The following NIPAL3 variants were observed in gnomAD, a reference collection of about 807,000 sequenced individuals.
The protein encoded by NIPAL3 is NIPA-like protein 3.
In NIPAL3, 41 loss-of-function variants were observed where a neutral mutation model predicts 47.2. The ratio of observed to expected loss-of-function variants is 0.87; its 90% CI spans 0.68 to 1.13. NIPAL3 has a LOEUF of 1.13. NIPAL3 is among the 50% of genes most tolerant of loss of function. NIPAL3 has a pLI of 0.00. For missense variants in NIPAL3, 449 were observed against 530.1 expected, an observed-to-expected ratio of 0.85 and a Z score of 1.50; for synonymous variants, 194 against 209.6, an observed-to-expected ratio of 0.93 and a Z score of 0.64.
At chr1:24,445,730 C>G (rs550706231) in intron 5 of NIPAL3, among the ~76,000 whole-genome samples, 2 of 152,154 alleles carry the variant, frequency 1.3e-5, no homozygotes, top group African/African-American at 4.8e-5. Context: ...AGACCTTGGG[C>G]GGGTCCCCCC....
chr1:24,431,333 G>A lies in NIPAL3; in HGVS notation c.94-8839G>A, dbSNP rs574096986. On this transcript the variant is annotated intron_variant, in intron 2 of 11. Coordinates refer to ENST00000374399, the MANE Select transcript of NIPAL3 (RefSeq NM_020448.5). ...AGGACAAGCCTTTCTTTGATCAAAC[G>A]GGAAAAAACTGCCGTGAAAGGTGAA... Among the ~76,000 whole-genome samples, 43 of 152,232 alleles carry A rather than the reference G, an allele frequency of 2.8e-4. 1 individual carries two copies. In the South Asian group the frequency reaches 3.9e-3, roughly 14 times the overall value.
Position 24,454,356 on chromosome 1 carries a change from C to T in NIPAL3, c.637+852C>T, listed in dbSNP as rs549967413. On this transcript the variant is annotated intron_variant, in intron 7 of 11. Coordinates refer to ENST00000374399, the MANE Select transcript of NIPAL3 (RefSeq NM_020448.5). The surrounding 1 kb of genome is among the most constrained non-coding windows in gnomAD (Gnocchi z 4.1). The stretch of plus-strand genomic sequence containing the variant: ...CTAATGACCCTCCCTCCTTAAGCCA[C>T]GCTGTCCACTTCTCTAAAGGGGGGG... 1.2e-5 allele frequency: 13 copies of T among 1,073,592 alleles called. No individual in the cohort carries two copies. Among genetic ancestry groups the T allele is most frequent in the African/African-American group, 8.5e-5 (5 of 58,644 alleles). The allele number at this position is 1,073,592 out of a possible 1,614,324, so 66.5% of individuals were successfully genotyped here. A position where few individuals can be genotyped will look rare whatever the true frequency, so the allele number is the denominator to read the frequency against.
Position 24,469,378 on chromosome 1 carries a change from G to A in NIPAL3, c.*193G>A, listed in dbSNP as rs1048793099. 4 of 570,568 alleles carry A rather than the reference G, an allele frequency of 7.0e-6. No homozygotes were observed. The African/African-American group carries it at 7.5e-5, about 11-fold the overall frequency. The allele number at this position is 570,568 out of a possible 1,614,324, so 35.3% of individuals were successfully genotyped here. A position where few individuals can be genotyped will look rare whatever the true frequency, so the allele number is the denominator to read the frequency against. On this transcript the variant is annotated 3_prime_UTR_variant, in exon 12 of 12. Coordinates refer to ENST00000374399, the MANE Select transcript of NIPAL3 (RefSeq NM_020448.5). ...GAAATTTCAAATGATGAGGGTTGGGGGATGGAAGCATTATTCCAGGTGGAC... is the reference window on the plus strand; with the variant it reads ...GAAATTTCAAATGATGAGGGTTGGGAGATGGAAGCATTATTCCAGGTGGAC...
intron 9 of NIPAL3, among the ~76,000 whole-genome samples, chr1:24,459,774 G>A (rs1337987039): frequency 6.6e-6 from 1 of 152,260 alleles, no homozygotes; most frequent in Non-Finnish European, 1.5e-5. Flanking sequence ...AGCTAAGTCA[G>A]GGTCAAGAAG....
At position 24,424,274 on chromosome 1, in the gene NIPAL3, C is replaced by G. The variant is rs549322813; in HGVS notation, c.93+4634C>G. On this transcript the variant is annotated intron_variant, in intron 2 of 11. Coordinates refer to ENST00000374399, the MANE Select transcript of NIPAL3 (RefSeq NM_020448.5). ...CCAGTGTTCCTTCTTAGCTAAGTGA[C>G]CTTGGGTGTATGGTACAACCCTGCA... 1.9e-3 allele frequency among the ~76,000 whole-genome samples: 291 copies of G among 152,268 alleles called. 1 individual carries two copies. Among genetic ancestry groups the G allele is most frequent in the Non-Finnish European group, 3.5e-3 (237 of 68,032 alleles).
Position 24,449,379 on chromosome 1 carries a change from T to G in NIPAL3, c.395-102T>G. 5 of 1,197,574 alleles carry G rather than the reference T, an allele frequency of 4.2e-6. No individual in the cohort carries two copies. Among genetic ancestry groups the G allele is most frequent in the Non-Finnish European group, 5.8e-6 (5 of 865,404 alleles). The allele number at this position is 1,197,574 out of a possible 1,614,324, so 74.2% of individuals were successfully genotyped here. A position where few individuals can be genotyped will look rare whatever the true frequency, so the allele number is the denominator to read the frequency against. ...CAAAAATACAAACAATACCAGGTCA[T>G]GGTATGTTGCAGGAGAAGCCTGTTT... On this transcript the variant is annotated intron_variant, in intron 5 of 11. Transcript: ENST00000374399. This position sits in a 1 kb window ranked among gnomAD's most constrained non-coding sequence, Gnocchi z 4.5.
At chr1:24,442,294 G>C in intron 4 of NIPAL3, 68 bp downstream of exon 4, 1 of 1,543,590 alleles carries the variant, frequency 6.5e-7, no homozygotes. Flanking sequence ...GCCAGCGCCA[G>C]GATCAAAGGT....
intron 4 of NIPAL3, among the ~76,000 whole-genome samples, chr1:24,444,608 G>A (rs1036685124): frequency 1.3e-5 from 2 of 152,310 alleles, no homozygotes; most frequent in Middle Eastern, 3.4e-3. Flanking sequence ...AGAAGAGGCA[G>A]AACTAGGGTA....
In NIPAL3 at chr1:24,449,569, G is replaced by A; in HGVS notation, c.483G>A (p.Lys161=). Residue 161 remains lysine (K), a synonymous_variant, in exon 6 of 12, where the codon AAG becomes AAA. Transcript: ENST00000374399. The surrounding 1 kb of genome is among the most constrained non-coding windows in gnomAD (Gnocchi z 4.5). ...CATTCGCACCCAACAGTCACGAGAA[G>A]ATGACAGGCGAGAATGTCACCAGGC... ...LVTFAPNSHE[K]MTGENVTRHL... is the part of the protein sequence containing the mutation. 1 of 1,614,164 alleles carries A rather than the reference G, an allele frequency of 6.2e-7. No homozygotes were observed. The highest frequency in any genetic ancestry group is 8.5e-7 in the Non-Finnish European group (1 of 1,180,034).
At chr1:24,455,202 T>G (rs1234992681) in intron 7 of NIPAL3, among the ~76,000 whole-genome samples, 1 of 152,176 alleles carries the variant, frequency 6.6e-6, no homozygotes, top group East Asian at 1.9e-4. Flanking sequence ...TGGACCACGC[T>G]TGGGGGCTGT....
At chr1:24,463,907 AGCCCTCC>A in intron 10 of NIPAL3, 112 bp from the exon 11 acceptor site, 1 of 723,108 alleles carries the variant, frequency 1.4e-6, no homozygotes, top group Non-Finnish European at 2.2e-6. Context: ...TTGGGCGGTG[AGCCCTCC>A]TCCGCAGCCT....
intron 10 of NIPAL3, 43 bp downstream of exon 10, chr1:24,460,587 G>A (rs1288983229): frequency 1.3e-6 from 2 of 1,511,320 alleles, no homozygotes; most frequent in East Asian, 2.6e-5. Context: ...ATTGTGTGTA[G>A]AATTCCAAGC....
intron 2 of NIPAL3, among the ~76,000 whole-genome samples, chr1:24,426,673 C>T (rs940850699): frequency 6.6e-6 from 1 of 152,158 alleles, no homozygotes; most frequent in Non-Finnish European, 1.5e-5. Context: ...TCGCTTATTC[C>T]GTGACTTTGG....
chr1:24,413,719 T>G (rs1643867036), upstream of NIPAL3: 1 of 152,270 alleles, frequency 6.6e-6, no homozygotes, highest in Non-Finnish European at 1.5e-5. Flanking sequence ...AACCTCCCGG[T>G]CGCTATGGCA....
At chr1:24,421,281 G>A (rs549997010) in intron 2 of NIPAL3, among the ~76,000 whole-genome samples, 2 of 152,236 alleles carry the variant, frequency 1.3e-5, no homozygotes, top group South Asian at 4.1e-4. Context: ...GAGCCAGGGA[G>A]GAAGAGATTG....
chr1:24,438,411 A>C (rs142173893), intron 2 of NIPAL3, among the ~76,000 whole-genome samples: 1 of 152,298 alleles, frequency 6.6e-6, no homozygotes, highest in Non-Finnish European at 1.5e-5. Flanking sequence ...GAGAGAAGTT[A>C]AGGACAGCTA....
chr1:24,450,609 C>T (rs74060361), intron 6 of NIPAL3, among the ~76,000 whole-genome samples: 3,076 of 152,280 alleles, frequency 0.02, 86 homozygotes, highest in African/African-American at 0.065. Context: ...ATCTCAGATT[C>T]TCTTAACCCT....
rs113306623 is a variant in NIPAL3, at chr1:24,449,695, G to A, written c.540+69G>A. On this transcript the variant is annotated intron_variant, in intron 6 of 11. Coordinates refer to ENST00000374399, the MANE Select transcript of NIPAL3 (RefSeq NM_020448.5). The surrounding 1 kb of genome is among the most constrained non-coding windows in gnomAD (Gnocchi z 4.5). ...AGATCAAGTCCTAGAAACCAGAAAC[G>A]TGAATACCCAGCAATAGGGGATTCC... 423 of 1,523,626 alleles carry A rather than the reference G, an allele frequency of 2.8e-4. 3 individuals are homozygous for A. The East Asian group carries it at 7.7e-3, about 28-fold the overall frequency. 94.4% of individuals were successfully genotyped at this position (1,523,626 alleles called of 1,614,324 possible).
intron 2 of NIPAL3, among the ~76,000 whole-genome samples, chr1:24,429,537 C>G (rs917306986): frequency 2.0e-5 from 3 of 152,166 alleles, no homozygotes; most frequent in African/African-American, 7.2e-5. Flanking sequence ...CATTCTATTT[C>G]CCTCACAGAA....
Sources: gnomAD v4.1 joint callset for allele counts (sites outside exome capture counted in the v4.1 genomes callset) on GRCh38, gnomAD v4.1.1 for gene constraint, Gnocchi (gnomAD v3.1) non-coding constraint, MANE v1.5 for transcripts, NCBI Gene and HGNC (gene_info 2026-07-23, HGNC 2026-07-21) for gene names.